Variants in GSDMC observed in about 807,000 individuals in gnomAD.
The protein encoded by GSDMC is gasdermin C.
A neutral mutation model predicts 58.0 loss-of-function variants in GSDMC; 59 were observed. The observed-to-expected ratio is 1.02, with a 90% confidence interval of 0.82 to 1.26. The LOEUF (loss-of-function observed/expected upper bound fraction) is 1.26. Ranked by LOEUF, GSDMC falls within the 50% of genes most tolerant of loss-of-function variation. The probability of loss-of-function intolerance (pLI) is 0.00; values close to 1 mark genes in which losing one functional copy is unlikely to be tolerated. For synonymous variants in GSDMC, 241 were observed against 220.2 expected (o/e 1.09, Z -0.83); for missense variants, 659 against 598.5 (o/e 1.10, Z -1.06).
chr8:129,761,021 C>T (rs1173500319), intron 5 of GSDMC, among the ~76,000 whole-genome samples: 3 of 152,026 alleles, frequency 2.0e-5, no homozygotes, highest in Admixed American at 6.6e-5. Flanking sequence ...ATGAAGAAGA[C>T]AAAAAGTTGT....
At chr8:129,705,854 A>G in the GSDMC span, among the ~76,000 whole-genome samples, 1 of 152,160 alleles carries the variant, frequency 6.6e-6, no homozygotes, top group African/African-American at 2.4e-5. Context: ...CTATTTTGCC[A>G]TCTTCATCTT....
the GSDMC span, among the ~76,000 whole-genome samples, chr8:129,728,574 C>T: frequency 6.6e-6 from 1 of 152,228 alleles, no homozygotes. Flanking sequence ...CACCTCCCCC[C>T]AGGGGCTAAG....
the GSDMC span, among the ~76,000 whole-genome samples, chr8:129,733,784 G>T: frequency 6.6e-6 from 1 of 152,052 alleles, no homozygotes; most frequent in African/African-American, 2.4e-5. Context: ...ACGACAGCTG[G>T]TGAGGACCAG....
chr8:129,731,923 C>T, the GSDMC span, among the ~76,000 whole-genome samples: 2 of 152,202 alleles, frequency 1.3e-5, no homozygotes, highest in Admixed American at 1.3e-4. Flanking sequence ...AGAGGAGAAG[C>T]AAGAGAAGCC....
the GSDMC span, among the ~76,000 whole-genome samples, chr8:129,740,574 C>T: frequency 6.6e-6 from 1 of 152,112 alleles, no homozygotes; most frequent in Non-Finnish European, 1.5e-5. Context: ...AGCCTTTGAG[C>T]AATAGGCCAT....
At chr8:129,745,157 C>T (rs1034285362), downstream of GSDMC, among the ~76,000 whole-genome samples, 5 of 152,198 alleles carry the variant, frequency 3.3e-5, no homozygotes, top group Non-Finnish European at 7.3e-5. Flanking sequence ...TAGCAAAATT[C>T]AATAGTCAGT....
chr8:129,745,060 C>A (rs990456637), downstream of GSDMC, among the ~76,000 whole-genome samples: 1 of 152,082 alleles, frequency 6.6e-6, no homozygotes, highest in Non-Finnish European at 1.5e-5. Flanking sequence ...GATTTCTTCC[C>A]ACTCCCTCTT....
intron 2 of GSDMC, among the ~76,000 whole-genome samples, chr8:129,776,753 TTG>T (rs2034242197): frequency 6.6e-6 from 1 of 151,782 alleles, no homozygotes. Context: ...GTTGTTGTTG[TTG>T]TTGTTTTTGT....
chr8:129,707,720 T>C, the GSDMC span, among the ~76,000 whole-genome samples: 1 of 152,250 alleles, frequency 6.6e-6, no homozygotes, highest in Admixed American at 6.5e-5. Flanking sequence ...CTACCTTTGG[T>C]TTACTGATGA....
chr8:129,715,253 C>T, the GSDMC span, among the ~76,000 whole-genome samples: 1 of 152,002 alleles, frequency 6.6e-6, no homozygotes, highest in Non-Finnish European at 1.5e-5. Flanking sequence ...ATAATCAGTC[C>T]TAGACTAAAC....
At chr8:129,720,761 A>G in the GSDMC span, among the ~76,000 whole-genome samples, 1 of 152,230 alleles carries the variant, frequency 6.6e-6, no homozygotes, top group Non-Finnish European at 1.5e-5. Context: ...CACTGTAGGT[A>G]GGCTAAAAAT....
chr8:129,745,390 C>G (rs1175218150), downstream of GSDMC, among the ~76,000 whole-genome samples: 1 of 152,128 alleles, frequency 6.6e-6, no homozygotes. Context: ...GTCTCTGGAA[C>G]TTCTTACTCT....
chr8:129,726,399 TGAGA>T, the GSDMC span, among the ~76,000 whole-genome samples: 2 of 152,038 alleles, frequency 1.3e-5, no homozygotes, highest in East Asian at 3.9e-4. Context: ...GGGCAGGGTG[TGAGA>T]GAGAGGAGAT....
rs369317212 is a variant in GSDMC at position 129,751,566 on chromosome 8, T to C, written c.919A>G (p.Arg307Gly). The C allele has an allele frequency of 6.2e-6, 10 of 1,612,332 alleles. No individual in the cohort carries two copies. The highest frequency in any genetic ancestry group is 8.5e-6 in the Non-Finnish European group (10 of 1,178,970). ...YEQVHILPVG[R>G]IEEPFWQNFK... is the part of the protein sequence containing the mutation. ...CTTTGCCAGAAGGGTTCCTCTATTC[T>C]TCCTAGAAGGAGAATCAAGTCATCA... Residue 307 changes from arginine (R) to glycine (G), a missense_variant and splice_region_variant, in exon 10 of 14, where the codon AGA (arginine) becomes GGA (glycine). Arg to Gly is a moderately radical substitution (Grantham distance 125, BLOSUM62 -2). Transcript: ENST00000276708.
chr8:129,771,401 A>G (rs2034045442), intron 3 of GSDMC, among the ~76,000 whole-genome samples: 1 of 152,218 alleles, frequency 6.6e-6, no homozygotes, highest in South Asian at 2.1e-4. Flanking sequence ...ACATTCTCCA[A>G]AATAGATCAT....
the GSDMC span, among the ~76,000 whole-genome samples, chr8:129,735,224 A>T: frequency 1.3e-5 from 2 of 152,210 alleles, no homozygotes; most frequent in Non-Finnish European, 2.9e-5. Flanking sequence ...TTAACACCCC[A>T]CTGTTAATAT....
chr8:129,771,241 C>G (rs768980698), intron 3 of GSDMC, among the ~76,000 whole-genome samples: 1 of 151,874 alleles, frequency 6.6e-6, no homozygotes, highest in Admixed American at 6.6e-5. Context: ...AATACCCACT[C>G]TTACTAATGG....
chr8:129,760,704 G>T, intron 5 of GSDMC, 115 bp from the exon 6 acceptor site: 1 of 628,624 alleles, frequency 1.6e-6, no homozygotes, highest in East Asian at 2.7e-5. Context: ...CTGACCACTG[G>T]CCTCACTCTG....
At chr8:129,781,657 A>G (rs1351055744) in intron 1 of GSDMC, among the ~76,000 whole-genome samples, 1 of 151,820 alleles carries the variant, frequency 6.6e-6, no homozygotes, top group East Asian at 1.9e-4. Context: ...AGGCAGGAGA[A>G]TGGCGTGAAC....
Sources: allele counts gnomAD v4.1 joint callset (sites outside exome capture counted in the v4.1 genomes callset), GRCh38; gene constraint gnomAD v4.1.1; transcripts MANE v1.5; gene names NCBI Gene and HGNC (gene_info 2026-07-23, HGNC 2026-07-21).